The following LUZP2 variants were observed in gnomAD, a reference collection of about 807,000 sequenced individuals.
LUZP2 encodes the protein leucine zipper protein 2.
LUZP2 carries 52 observed loss-of-function variants against 51.6 expected under a neutral mutation model. The observed-to-expected ratio is 1.01, with a 90% CI of 0.81 to 1.27. The LOEUF (loss-of-function observed/expected upper bound fraction) is 1.27. LUZP2 is among the 50% of genes most tolerant of loss of function. The probability of loss-of-function intolerance (pLI) is 0.00; values close to 1 mark genes in which losing one functional copy is unlikely to be tolerated. For missense variants in LUZP2, 436 were observed against 395.4 expected, an observed-to-expected ratio of 1.10 and a Z score of -0.87; for synonymous variants, 154 against 137.3, an observed-to-expected ratio of 1.12 and a Z score of -0.85.
chr11:24,786,407 C>G, intron 5 of LUZP2: 2 of 981,958 alleles, frequency 2.0e-6, no homozygotes, highest in Non-Finnish European at 2.4e-6. Context: ...TTTCTTTCCA[C>G]TTAGTATACA....
At chr11:24,630,032 A>G (rs1854825423) in intron 1 of LUZP2, among the ~76,000 whole-genome samples, 1 of 151,490 alleles carries the variant, frequency 6.6e-6, no homozygotes, top group South Asian at 2.1e-4. Context: ...CAACTGTTTA[A>G]TGGGATTACT....
At chr11:24,846,708 T>C (rs1851209976) in intron 5 of LUZP2, among the ~76,000 whole-genome samples, 1 of 152,052 alleles carries the variant, frequency 6.6e-6, no homozygotes, top group East Asian at 1.9e-4. Flanking sequence ...AAACAATTAC[T>C]ATATTATCAA....
intron 5 of LUZP2, among the ~76,000 whole-genome samples, chr11:24,808,773 A>G (rs1849929662): frequency 6.6e-6 from 1 of 152,138 alleles, no homozygotes; most frequent in East Asian, 1.9e-4. Flanking sequence ...AACAAATCCC[A>G]GCTATCAACT....
chr11:24,823,661 A>T (rs1564943047), intron 5 of LUZP2, among the ~76,000 whole-genome samples: 1 of 152,192 alleles, frequency 6.6e-6, no homozygotes, highest in Non-Finnish European at 1.5e-5. Context: ...AATAGTGAAG[A>T]TGAAGAAAAC....
chr11:24,783,822 T>C (rs953875860), intron 5 of LUZP2, among the ~76,000 whole-genome samples: 1 of 151,928 alleles, frequency 6.6e-6, no homozygotes, highest in African/African-American at 2.4e-5. Flanking sequence ...TTTGAAACAG[T>C]AGTGCATGAT....
chr11:25,026,288 T>C (rs768371199), intron 9 of LUZP2, among the ~76,000 whole-genome samples: 30 of 152,024 alleles, frequency 2.0e-4, no homozygotes, highest in Non-Finnish European at 3.8e-4. Flanking sequence ...CCTTAAAGTA[T>C]AATAAAAACA....
intron 7 of LUZP2, among the ~76,000 whole-genome samples, chr11:24,976,186 C>T (rs1054301941): frequency 5.3e-5 from 8 of 151,908 alleles, no homozygotes; most frequent in Non-Finnish European, 8.8e-5. Context: ...CCCCAAAGTG[C>T]TCTGTCTCCA....
intron 7 of LUZP2, among the ~76,000 whole-genome samples, chr11:24,962,240 C>T (rs550199493): frequency 2.6e-5 from 4 of 152,226 alleles, no homozygotes; most frequent in Admixed American, 2.0e-4. Context: ...AGTTGCTCTT[C>T]GCGAGGAGTA....
At chr11:24,596,577 G>T (rs1853450798) in intron 1 of LUZP2, among the ~76,000 whole-genome samples, 1 of 152,094 alleles carries the variant, frequency 6.6e-6, no homozygotes, top group East Asian at 1.9e-4. Context: ...AATGGAGTTT[G>T]GTTAAAGTAG....
In LUZP2 at chr11:25,082,399, G is replaced by A. The variant is rs1230503713; in HGVS notation, c.*3741G>A. 1 of 152,572 alleles carries A rather than the reference G, an allele frequency of 6.6e-6. No homozygotes were observed. Among genetic ancestry groups the A allele is most frequent in the African/African-American group, 2.4e-5 (1 of 41,436 alleles). The allele number at this position is 152,572 out of a possible 1,614,324, so 9.5% of individuals were successfully genotyped here. On this transcript the variant is annotated 3_prime_UTR_variant, in exon 12 of 12. Coordinates refer to ENST00000336930, the MANE Select transcript of LUZP2 (RefSeq NM_001009909.4). ...TGTAATTAGCACTAATTGCAGCAGAGACTGAAATAATTATTGACACCGTAG... is the reference window on the plus strand; with the variant it reads ...TGTAATTAGCACTAATTGCAGCAGAAACTGAAATAATTATTGACACCGTAG...
intron 1 of LUZP2, among the ~76,000 whole-genome samples, chr11:24,608,969 A>G (rs552322821): frequency 6.6e-6 from 1 of 152,188 alleles, no homozygotes; most frequent in African/African-American, 2.4e-5. Context: ...GAGGCCTTTC[A>G]CAGGTGATAG....
chr11:24,775,422 G>A (rs941878716), intron 5 of LUZP2, among the ~76,000 whole-genome samples: 5 of 152,102 alleles, frequency 3.3e-5, no homozygotes, highest in African/African-American at 1.2e-4. Flanking sequence ...GAGACATTGG[G>A]ACAGCCAATC....
intron 5 of LUZP2, among the ~76,000 whole-genome samples, chr11:24,887,453 T>C (rs1371466448): frequency 6.6e-6 from 1 of 151,970 alleles, no homozygotes; most frequent in African/African-American, 2.4e-5. Context: ...GCGAATAAGG[T>C]GTGGGTTATT....
rs149499378 is a variant in LUZP2, at chr11:25,010,566, G to T, written c.765+27273G>T. Among the ~76,000 whole-genome samples, 33 of 150,000 alleles carry T rather than the reference G, an allele frequency of 2.2e-4. 1 individual carries two copies. The East Asian group carries it at 5.4e-3, about 25-fold the overall frequency. ...CCATCTCAGTAATAATAACAATAAG[G>T]CCGGGAGTGGTGGCTCACACGTGTA... On this transcript the variant is annotated intron_variant, in intron 9 of 11. Coordinates refer to ENST00000336930, the MANE Select transcript of LUZP2 (RefSeq NM_001009909.4).
intron 10 of LUZP2, 129 bp from the exon 11 acceptor site, chr11:25,077,200 T>C (rs550361486): frequency 1.4e-6 from 1 of 722,132 alleles, no homozygotes; most frequent in East Asian, 2.9e-5. Flanking sequence ...CCCTAGCTTT[T>C]GCCCTTTCAG....
intron 1 of LUZP2, among the ~76,000 whole-genome samples, chr11:24,659,833 TA>T (rs1301843876): frequency 1.3e-5 from 2 of 152,162 alleles, no homozygotes; most frequent in Non-Finnish European, 2.9e-5. Flanking sequence ...CACCCTGATA[TA>T]AACCTGTTCT....
At chr11:24,587,461 G>A (rs971693550) in intron 1 of LUZP2, among the ~76,000 whole-genome samples, 3 of 152,062 alleles carry the variant, frequency 2.0e-5, no homozygotes, top group Admixed American at 1.3e-4. Context: ...ATGTCTGGAC[G>A]GAAAATTTTC....
rs80311533 is a variant in LUZP2, at chr11:25,012,938, C to T, written c.765+29645C>T. ...CCTGTACTCAGATATTTATGCAGCACTCTTCACAATAGCAAATATATGGAA... is the reference window on the plus strand; with the variant it reads ...CCTGTACTCAGATATTTATGCAGCATTCTTCACAATAGCAAATATATGGAA... On this transcript the variant is annotated intron_variant, in intron 9 of 11. Coordinates refer to ENST00000336930, the MANE Select transcript of LUZP2 (RefSeq NM_001009909.4). Among the ~76,000 whole-genome samples the T allele has an allele frequency of 3.6e-4, 55 of 152,264 alleles. No homozygotes were observed. The East Asian group carries it at 8.7e-3, about 24-fold the overall frequency.
intron 1 of LUZP2, among the ~76,000 whole-genome samples, chr11:24,564,894 G>C (rs531382613): frequency 6.6e-6 from 1 of 152,086 alleles, no homozygotes; most frequent in Non-Finnish European, 1.5e-5. Context: ...GTATATGTTT[G>C]AGATAAATTA....
Sources: allele counts gnomAD v4.1 joint callset (sites outside exome capture counted in the v4.1 genomes callset), GRCh38; gene constraint gnomAD v4.1.1; transcripts MANE v1.5; gene names NCBI Gene and HGNC (gene_info 2026-07-23, HGNC 2026-07-21).